The following HKDC1 variants were observed in gnomAD, a reference collection of about 807,000 sequenced individuals.
HKDC1 encodes hexokinase domain containing 1, also known as hexokinase HKDC1.
Under a neutral mutation model 96.6 loss-of-function variants are expected in HKDC1, and 66 were observed. The observed-to-expected ratio is 0.68, with a 90% CI of 0.56 to 0.84. The LOEUF is 0.84. HKDC1 is among the 40% of genes least tolerant of loss of function. The pLI is 0.00. For synonymous variants in HKDC1, 466 were observed against 473.1 expected (o/e 0.98, Z 0.20); for missense variants, 1,211 against 1,208.1 (o/e 1.00, Z -0.04).
At position 69,259,247 on chromosome 10, in the gene HKDC1, G is replaced by A. The variant is rs144304304; in HGVS notation, c.2216+288G>A. Among the ~76,000 whole-genome samples the A allele has an allele frequency of 1.6e-3, 243 of 152,340 alleles. 2 individuals carry two copies. Among genetic ancestry groups the A allele is most frequent in the African/African-American group, 5.2e-3 (218 of 41,584 alleles). On this transcript the variant is annotated intron_variant, in intron 15 of 17. Transcript: ENST00000354624. ...TTCACCAAGGGCATGGTAACTCAGTGAGCCTTCTTGAGATGGGCTTTTAAT... is the reference window on the plus strand; with the variant it reads ...TTCACCAAGGGCATGGTAACTCAGTAAGCCTTCTTGAGATGGGCTTTTAAT...
chr10:69,233,890 T>C (rs1383693948), intron 4 of HKDC1, among the ~76,000 whole-genome samples: 1 of 2,630 alleles, frequency 3.8e-4, no homozygotes, highest in Non-Finnish European at 7.8e-4. Flanking sequence ...AGAGCAAGAC[T>C]CCGTCTCAAA....
At chr10:69,244,664 TA>T (rs11348828) in intron 7 of HKDC1, among the ~76,000 whole-genome samples, 146,774 of 149,882 alleles carry the variant, frequency 0.98, 71,914 homozygotes, top group South Asian at 1. Context: ...AAATAAAAAT[TA>T]AAAAAAAAAA....
intron 1 of HKDC1, chr10:69,226,052 C>T (rs751558931): frequency 3.3e-5 from 5 of 152,164 alleles, no homozygotes; most frequent in African/African-American, 4.8e-5. Context: ...ATGCCCCTGT[C>T]TCTCCTCCTG....
chr10:69,264,233 G>A (rs1447704354), intron 16 of HKDC1, among the ~76,000 whole-genome samples: 1 of 120,642 alleles, frequency 8.3e-6, no homozygotes, highest in East Asian at 2.4e-4. Context: ...GTGTGTGTGT[G>A]TGTGTGTGTC....
intron 2 of HKDC1, among the ~76,000 whole-genome samples, chr10:69,227,681 C>T (rs1843183266): frequency 6.6e-6 from 1 of 152,194 alleles, no homozygotes. Context: ...TGGTCCCTGC[C>T]TCCATCTAGG....
intron 16 of HKDC1, 190 bp from the exon 17 acceptor site, chr10:69,265,395 G>A: frequency 1.7e-6 from 1 of 601,802 alleles, no homozygotes; most frequent in South Asian, 2.1e-5. Flanking sequence ...AAAGTTGATG[G>A]AACTTCCAGG....
At chr10:69,225,658 G>A (rs938352811) in intron 1 of HKDC1, among the ~76,000 whole-genome samples, 3 of 152,152 alleles carry the variant, frequency 2.0e-5, no homozygotes, top group Non-Finnish European at 2.9e-5. Flanking sequence ...GTCCTAGCGC[G>A]AAGGTAATGT....
intron 1 of HKDC1, chr10:69,223,099 C>A (rs1221633037): frequency 6.6e-6 from 1 of 152,166 alleles, no homozygotes; most frequent in Non-Finnish European, 1.5e-5. Context: ...CTGACAGATT[C>A]TTTTCCAATT....
chr10:69,252,750 G>A (rs959203527), intron 12 of HKDC1, among the ~76,000 whole-genome samples: 4 of 151,948 alleles, frequency 2.6e-5, no homozygotes, highest in African/African-American at 9.7e-5. Context: ...AGGAGATTGA[G>A]GTTCCAGGGA....
chr10:69,243,426 C>A, intron 7 of HKDC1, 61 bp downstream of exon 7: 2 of 1,394,004 alleles, frequency 1.4e-6, no homozygotes, highest in Non-Finnish European at 1.9e-6. Context: ...TCACTCAGGT[C>A]CCCTGGCTAC....
At chr10:69,252,275 G>T (rs1399265095) in intron 12 of HKDC1, among the ~76,000 whole-genome samples, 2 of 152,076 alleles carry the variant, frequency 1.3e-5, no homozygotes, top group Non-Finnish European at 2.9e-5. Context: ...ACTTTGGGAG[G>T]TCGACATGGA....
intron 2 of HKDC1, 124 bp from the exon 3 acceptor site, chr10:69,232,640 G>A: frequency 3.3e-6 from 3 of 900,132 alleles, no homozygotes; most frequent in South Asian, 1.6e-5. Context: ...CTTGGCAAAT[G>A]AGCATAATGA....
chr10:69,233,085 C>T lies in HKDC1; in HGVS notation c.447C>T (p.Pro149=). 8 of 1,614,140 alleles carry T rather than the reference C, an allele frequency of 5.0e-6. No individual in the cohort carries two copies. The highest frequency in any genetic ancestry group is 1.3e-5 in the African/African-American group (1 of 75,034). The change falls in exon 4 of 18, where the codon CCC becomes CCT. Residue 149 remains proline, a synonymous_variant. Transcript: ENST00000354624. ...KTKDLKHKKL[P]LGLTFSFPCR... ...AAGATTTAAAGCATAAGAAATTGCC[C>T]CTTGGCCTAACTTTTTCTTTCCCCT...
chr10:69,233,802 G>A (rs1843315665), intron 4 of HKDC1, among the ~76,000 whole-genome samples: 1 of 151,524 alleles, frequency 6.6e-6, no homozygotes, highest in African/African-American at 2.4e-5. Flanking sequence ...GGAGGCTGAG[G>A]CAGGAGAATG....
At chr10:69,261,101 G>T in intron 15 of HKDC1, 38 bp from the exon 16 acceptor site, 1 of 1,591,122 alleles carries the variant, frequency 6.3e-7, no homozygotes, top group Non-Finnish European at 8.6e-7. Flanking sequence ...CTTCTGCATT[G>T]CAGGTCTGCC....
At chr10:69,245,971 A>G in intron 7 of HKDC1, 108 bp from the exon 8 acceptor site, 3 of 1,362,826 alleles carry the variant, frequency 2.2e-6, no homozygotes, top group Non-Finnish European at 3.1e-6. Flanking sequence ...ATCTTAGCTC[A>G]GCCCTCTCCC....
chr10:69,262,111 C>T (rs935867689), intron 16 of HKDC1: 5 of 434,550 alleles, frequency 1.2e-5, no homozygotes, highest in African/African-American at 2.0e-5. Context: ...CACTAGACAT[C>T]GTAAATGGTG....
Position 69,227,344 on chromosome 10 carries a change from C to A in HKDC1, c.201C>A (p.Phe67Leu). The change falls in exon 2 of 18, where the codon TTC becomes TTA. Residue 67 changes from phenylalanine to leucine, a missense_variant. Coordinates refer to ENST00000354624, the MANE Select transcript of HKDC1 (RefSeq NM_025130.4). ...CTGCAGTGAAGATGTTGCCCACCTTCGTCAGGGCCATTCCCGATGGTTCCG... is the reference window on the plus strand; with the variant it reads ...CTGCAGTGAAGATGTTGCCCACCTTAGTCAGGGCCATTCCCGATGGTTCCG... The part of the protein sequence containing the change: ...PTAAVKMLPT[F>L]VRAIPDGSEN... 1 of 1,614,212 alleles carries A rather than the reference C, an allele frequency of 6.2e-7. No homozygotes were observed. The highest frequency in any genetic ancestry group is 1.3e-5 in the African/African-American group (1 of 75,056).
intron 16 of HKDC1, among the ~76,000 whole-genome samples, chr10:69,262,945 GA>G (rs1843831126): frequency 6.6e-6 from 1 of 151,070 alleles, no homozygotes; most frequent in African/African-American, 2.4e-5. Flanking sequence ...CGTAATAAAA[GA>G]AAAGTTGTTC....
Sources: allele counts gnomAD v4.1 joint callset (sites outside exome capture counted in the v4.1 genomes callset), GRCh38; gene constraint gnomAD v4.1.1; transcripts MANE v1.5; gene names NCBI Gene and HGNC (gene_info 2026-07-23, HGNC 2026-07-21).